SLC35F3: variants seen among roughly 807,000 people sequenced by gnomAD.
SLC35F3 encodes the protein solute carrier family 35 member F3.
Under a neutral mutation model 49.9 loss-of-function variants are expected in SLC35F3, and 25 were observed. That is an observed-to-expected ratio of 0.50 (90% CI 0.37 to 0.70). The LOEUF (loss-of-function observed/expected upper bound fraction) is 0.70. Among genes scored for constraint, SLC35F3 ranks in the 30% least tolerant of loss-of-function variants. The pLI, the probability that SLC35F3 is intolerant of heterozygous loss-of-function variation, is 0.00. For synonymous variants in SLC35F3, 275 were observed against 265.4 expected, an observed-to-expected ratio of 1.04 and a Z score of -0.35; for missense variants, 525 against 639.8, an observed-to-expected ratio of 0.82 and a Z score of 1.94.
At chr1:234,245,418 T>C (rs1015394592) in intron 3 of SLC35F3, among the ~76,000 whole-genome samples, 2 of 152,256 alleles carry the variant, frequency 1.3e-5, no homozygotes, top group African/African-American at 2.4e-5. Flanking sequence ...TGAATAGTGC[T>C]GTGATAAACA....
intron 2 of SLC35F3, among the ~76,000 whole-genome samples, chr1:234,227,814 T>C (rs1028888030): frequency 6.6e-6 from 1 of 152,216 alleles, no homozygotes; most frequent in Admixed American, 6.5e-5. Flanking sequence ...TTAGAAGATT[T>C]GAAAGGCTTC....
chr1:234,229,773 A>T (rs1667338431), intron 2 of SLC35F3, among the ~76,000 whole-genome samples: 1 of 152,262 alleles, frequency 6.6e-6, no homozygotes, highest in South Asian at 2.1e-4. Context: ...TGCAGATGTT[A>T]ATTCAAAATG....
intron 2 of SLC35F3, among the ~76,000 whole-genome samples, chr1:234,196,925 T>C (rs1183321094): frequency 1.3e-5 from 2 of 151,774 alleles, no homozygotes; most frequent in African/African-American, 4.8e-5. Flanking sequence ...CTGGGCAACA[T>C]AGCAAGACTC....
In SLC35F3 at chr1:234,046,380, G is replaced by A. The variant is rs1572031271; in HGVS notation, c.283+140622G>A. Reference sequence around the variant, plus strand: ...TGAGTAATTTTCTGCTTTCTAGTGAGGGTGACCATATTTTCATATTCAAGT... The same window carrying A: ...TGAGTAATTTTCTGCTTTCTAGTGAAGGTGACCATATTTTCATATTCAAGT... On this transcript the variant is annotated intron_variant, in intron 2 of 7. Transcript: ENST00000366618. This position sits in a 1 kb window ranked among gnomAD's most constrained non-coding sequence, Gnocchi z 4.4. Among the ~76,000 whole-genome samples the A allele has an allele frequency of 6.6e-6, 1 of 152,196 alleles. No individual in the cohort carries two copies. Among genetic ancestry groups the A allele is most frequent in the South Asian group, 2.1e-4 (1 of 4,816 alleles).
At chr1:233,968,166 C>T (rs1662931246) in intron 2 of SLC35F3, among the ~76,000 whole-genome samples, 1 of 152,124 alleles carries the variant, frequency 6.6e-6, no homozygotes, top group Admixed American at 6.5e-5. Flanking sequence ...CATTTCTTAG[C>T]TTGTGGATCC....
intron 2 of SLC35F3, among the ~76,000 whole-genome samples, chr1:234,188,814 C>T (rs1291004803): frequency 6.6e-6 from 1 of 152,096 alleles, no homozygotes; most frequent in Non-Finnish European, 1.5e-5. Flanking sequence ...CCCCTGCCAC[C>T]GCCACTGGAG....
intron 2 of SLC35F3, among the ~76,000 whole-genome samples, chr1:234,058,344 T>TC (rs1664487474): frequency 1.5e-5 from 2 of 136,532 alleles, no homozygotes; most frequent in Admixed American, 7.2e-5. Flanking sequence ...TTTTTTTTTT[T>TC]TTTTTTTTTT....
chr1:234,181,364 GAAAAA>G (rs1229365289), intron 2 of SLC35F3, among the ~76,000 whole-genome samples: 1 of 146,562 alleles, frequency 6.8e-6, no homozygotes, highest in Non-Finnish European at 1.5e-5. Flanking sequence ...AAGAAAGAAA[GAAAAA>G]GAAAAGAAAA....
intron 3 of SLC35F3, among the ~76,000 whole-genome samples, chr1:234,298,309 G>A (rs1436138947): frequency 6.6e-6 from 1 of 152,108 alleles, no homozygotes; most frequent in Non-Finnish European, 1.5e-5. Flanking sequence ...GATCTGAAGG[G>A]GTGAGGAAAA....
At chr1:233,955,185 A>G (rs145214295) in intron 2 of SLC35F3, among the ~76,000 whole-genome samples, 1 of 152,202 alleles carries the variant, frequency 6.6e-6, no homozygotes, top group East Asian at 1.9e-4. Flanking sequence ...TGTTTCAGCC[A>G]TTGTTGGCTG....
At chr1:234,265,547 T>C (rs561628900) in intron 3 of SLC35F3, among the ~76,000 whole-genome samples, 1 of 152,106 alleles carries the variant, frequency 6.6e-6, no homozygotes, top group East Asian at 1.9e-4. Context: ...TGACTGTACT[T>C]CCAGAACATA....
intron 2 of SLC35F3, among the ~76,000 whole-genome samples, chr1:234,162,190 T>G (rs1040760907): frequency 6.7e-6 from 1 of 149,074 alleles, no homozygotes; most frequent in African/African-American, 2.5e-5. Flanking sequence ...AAATCCAACA[T>G]AGAGAGGACT....
At chr1:234,019,893 T>C (rs1361841290) in intron 2 of SLC35F3, among the ~76,000 whole-genome samples, 1 of 152,186 alleles carries the variant, frequency 6.6e-6, no homozygotes, top group Non-Finnish European at 1.5e-5. Flanking sequence ...ACATTACAAA[T>C]GTGAAATTTG....
At chr1:234,153,100 A>G (rs1364924711) in intron 2 of SLC35F3, among the ~76,000 whole-genome samples, 1 of 152,222 alleles carries the variant, frequency 6.6e-6, no homozygotes, top group Non-Finnish European at 1.5e-5. Flanking sequence ...AGGATTTTAT[A>G]TCAAGTCTAA....
chr1:234,278,636 G>A (rs1010138687), intron 3 of SLC35F3, among the ~76,000 whole-genome samples: 2 of 152,216 alleles, frequency 1.3e-5, no homozygotes, highest in Non-Finnish European at 2.9e-5. Flanking sequence ...TAGACTGGGT[G>A]GCTTTGACAA....
chr1:234,185,199 C>T (rs778079124), intron 2 of SLC35F3, among the ~76,000 whole-genome samples: 20 of 152,070 alleles, frequency 1.3e-4, no homozygotes, highest in African/African-American at 2.7e-4. Flanking sequence ...TGGGGGTGTA[C>T]GCTGGTTCTG....
At chr1:234,272,036 G>T (rs1668115647) in intron 3 of SLC35F3, among the ~76,000 whole-genome samples, 1 of 152,188 alleles carries the variant, frequency 6.6e-6, no homozygotes, top group Admixed American at 6.5e-5. Flanking sequence ...TGAGGCAGGA[G>T]GATCATTTGA....
Position 234,046,730 on chromosome 1 carries a change from C to T in SLC35F3, c.283+140972C>T, listed in dbSNP as rs796093770. The stretch of plus-strand genomic sequence containing the variant: ...GAAAATTTTAAACATTTCCTTTATG[C>T]ATTTAGTTATTTAATCCCTGAAATT... On this transcript the variant is annotated intron_variant, in intron 2 of 7. Coordinates refer to ENST00000366618, the MANE Select transcript of SLC35F3 (RefSeq NM_173508.4). The surrounding 1 kb of genome is among the most constrained non-coding windows in gnomAD (Gnocchi z 4.4). Among the ~76,000 whole-genome samples the T allele has an allele frequency of 3.3e-5, 5 of 152,246 alleles. No homozygotes were observed. The highest frequency in any genetic ancestry group is 1.2e-4 in the African/African-American group (5 of 41,562).
At chr1:234,075,419 C>T (rs1034967371) in intron 2 of SLC35F3, among the ~76,000 whole-genome samples, 5 of 152,156 alleles carry the variant, frequency 3.3e-5, no homozygotes, top group African/African-American at 7.2e-5. Flanking sequence ...TACAAAAATA[C>T]GGGAGCATTT....
Sources: allele counts gnomAD v4.1 joint callset (sites outside exome capture counted in the v4.1 genomes callset), GRCh38; gene constraint gnomAD v4.1.1; non-coding constraint Gnocchi (gnomAD v3.1); transcripts MANE v1.5; gene names NCBI Gene and HGNC (gene_info 2026-07-23, HGNC 2026-07-21).